Variants in LRRN2 observed in about 807,000 individuals in gnomAD.
The protein encoded by LRRN2 is leucine-rich repeat neuronal protein 2.
A neutral mutation model predicts 35.7 loss-of-function variants in LRRN2; 10 were observed. The ratio of observed to expected loss-of-function variants is 0.28; its 90% CI spans 0.17 to 0.47. The LOEUF (loss-of-function observed/expected upper bound fraction) is 0.47. LRRN2 is among the 20% of genes least tolerant of loss of function. The pLI is 0.99. For missense variants in LRRN2, 731 were observed against 940.3 expected, an observed-to-expected ratio of 0.78 and a Z score of 2.91; for synonymous variants, 391 against 409.6, an observed-to-expected ratio of 0.95 and a Z score of 0.55.
intron 1 of LRRN2, among the ~76,000 whole-genome samples, chr1:204,646,431 G>A (rs1668109383): frequency 6.6e-6 from 1 of 152,138 alleles, no homozygotes; most frequent in African/African-American, 2.4e-5. Flanking sequence ...TAGGCACCTG[G>A]GTTACTACAA....
At position 204,618,323 on chromosome 1, in the gene LRRN2, G is replaced by A. The variant is rs867735818; in HGVS notation, c.1670C>T (p.Thr557Ile). 1 of 1,594,170 alleles carries A rather than the reference G, an allele frequency of 6.3e-7. No individual in the cohort carries two copies. The highest frequency in any genetic ancestry group is 8.6e-7 in the Non-Finnish European group (1 of 1,169,538). Residue 557 changes from threonine to isoleucine, a missense_variant, in exon 2 of 2, where the codon ACC (threonine) becomes ATC (isoleucine). By Grantham distance (89) the Thr-to-Ile change is moderately conservative. Transcript: ENST00000367177. ...TPPNTVSTNL[T>I]WSSASSLRGQ... ...CCGGAGGGAGGAGGCACTGGACCAG[G>A]TGAGGTTGGTGGACACTGTGTTGGG...
chr1:204,629,892 G>A (rs1283295765), intron 1 of LRRN2, among the ~76,000 whole-genome samples: 2 of 152,112 alleles, frequency 1.3e-5, no homozygotes, highest in African/African-American at 4.8e-5. Flanking sequence ...TTTATAAGTG[G>A]GAGTTAAGTA....
At chr1:204,634,870 T>C (rs74933344) in intron 1 of LRRN2, among the ~76,000 whole-genome samples, 4,637 of 152,324 alleles carry the variant, frequency 0.03, 210 homozygotes, top group East Asian at 0.17. Flanking sequence ...ATGCTTTATT[T>C]CTATGAGCCT....
Position 204,618,322 on chromosome 1 carries a change from G to A in LRRN2, c.1671C>T (p.Thr557=), listed in dbSNP as rs1330959091. The part of the protein sequence containing the change: ...TPPNTVSTNL[T]WSSASSLRGQ... The stretch of plus-strand genomic sequence containing the variant: ...CCCGGAGGGAGGAGGCACTGGACCA[G>A]GTGAGGTTGGTGGACACTGTGTTGG... Residue 557 remains threonine (T), a synonymous_variant, in exon 2 of 2, where the codon ACC becomes ACT. Transcript: ENST00000367177. 8 of 1,593,794 alleles carry A rather than the reference G, an allele frequency of 5.0e-6. No individual in the cohort carries two copies. Among genetic ancestry groups the A allele is most frequent in the Non-Finnish European group, 6.8e-6 (8 of 1,169,410 alleles).
intron 1 of LRRN2, among the ~76,000 whole-genome samples, chr1:204,622,684 C>A (rs1167645587): frequency 1.3e-5 from 2 of 152,066 alleles, no homozygotes; most frequent in African/African-American, 4.8e-5. Context: ...AGCTGAGTCT[C>A]CGAGAGGTCC....
chr1:204,675,306 A>G (rs1668801798), intron 1 of LRRN2, among the ~76,000 whole-genome samples: 1 of 152,240 alleles, frequency 6.6e-6, no homozygotes, highest in Non-Finnish European at 1.5e-5. Context: ...GCAAAGGACC[A>G]CAAACTTAGT....
chr1:204,623,599 A>G (rs2102576303), intron 1 of LRRN2, among the ~76,000 whole-genome samples: 1 of 152,298 alleles, frequency 6.6e-6, no homozygotes, highest in South Asian at 2.1e-4. Context: ...ACCTGCCATC[A>G]CCACCTAAGG....
At chr1:204,662,186 G>A (rs1402056920) in intron 1 of LRRN2, among the ~76,000 whole-genome samples, 3 of 152,312 alleles carry the variant, frequency 2.0e-5, no homozygotes, top group East Asian at 3.9e-4. Context: ...TGTAGACAAC[G>A]TGGCACTTCC....
rs2102564634 is a variant in LRRN2 at position 204,618,703 on chromosome 1, G to A, written c.1290C>T (p.Pro430=). ...CTCCACTGGCTACCTGGAGGCTTGG[G>A]GGGAAGCTTCGTGGGGAGATGAGGG... is the stretch of plus-strand genomic sequence containing the variant. ...CLPLISPRSF[P]PSLQVASGES... Residue 430 remains proline (P), a synonymous_variant, in exon 2 of 2, where the codon CCC becomes CCT. Coordinates refer to ENST00000367177, the MANE Select transcript of LRRN2 (RefSeq NM_201630.2). 1.2e-6 allele frequency: 2 copies of A among 1,600,264 alleles called. No homozygotes were observed. The highest frequency in any genetic ancestry group is 1.7e-6 in the Non-Finnish European group (2 of 1,171,832).
At position 204,685,731 on chromosome 1, in the gene LRRN2, C is replaced by T. The variant is rs549912255; in HGVS notation, c.-638G>A. The T allele has an allele frequency of 1.3e-5, 2 of 152,542 alleles. No homozygotes were observed. Among genetic ancestry groups the T allele is most frequent in the East Asian group, 1.9e-4 (1 of 5,168 alleles). The allele number at this position is 152,542 out of a possible 1,614,324, so 9.4% of individuals were successfully genotyped here. On this transcript the variant is annotated 5_prime_UTR_variant, in exon 1 of 2. Coordinates refer to ENST00000367177, the MANE Select transcript of LRRN2 (RefSeq NM_201630.2). ...TCCTCACTCGCTTCTCCGCCGCTCT[C>T]CCAACCTCCCCAGCCCACTCCGGTC...
intron 1 of LRRN2, among the ~76,000 whole-genome samples, chr1:204,659,483 C>T (rs1668426455): frequency 6.6e-6 from 1 of 152,156 alleles, no homozygotes; most frequent in Non-Finnish European, 1.5e-5. Flanking sequence ...GTTTGGCCCA[C>T]TGAAATCTGG....
chr1:204,626,123 G>A (rs1306383604), intron 1 of LRRN2, among the ~76,000 whole-genome samples: 3 of 151,972 alleles, frequency 2.0e-5, no homozygotes, highest in Non-Finnish European at 2.9e-5. Flanking sequence ...CACTCTACTC[G>A]GCAGTCTCAG....
intron 1 of LRRN2, among the ~76,000 whole-genome samples, chr1:204,625,352 T>TA (rs1667263973): frequency 6.6e-6 from 1 of 152,236 alleles, no homozygotes; most frequent in Non-Finnish European, 1.5e-5. Flanking sequence ...CCTTTCATCT[T>TA]ACCATACATT....
intron 1 of LRRN2, among the ~76,000 whole-genome samples, chr1:204,677,720 G>C (rs189176679): frequency 1.3e-5 from 2 of 152,280 alleles, no homozygotes; most frequent in Admixed American, 6.5e-5. Flanking sequence ...GCCGGAGCTG[G>C]AAATGGGACT....
In LRRN2 at chr1:204,677,919, G is replaced by A. The variant is rs116676498; in HGVS notation, c.-227+7401C>T. ...GAGACAGAAGACCCTGCCCTTGCAC[G>A]TTGCCACGTGGGCTGCCTTACTCCC... On this transcript the variant is annotated intron_variant, in intron 1 of 1. Coordinates refer to ENST00000367177, the MANE Select transcript of LRRN2 (RefSeq NM_201630.2). Among the ~76,000 whole-genome samples, 706 of 152,078 alleles carry A rather than the reference G, an allele frequency of 4.6e-3. 4 individuals carry two copies. Among genetic ancestry groups the A allele is most frequent in the African/African-American group, 0.016 (669 of 41,472 alleles).
chr1:204,666,397 A>G (rs1243849713), intron 1 of LRRN2, among the ~76,000 whole-genome samples: 1 of 152,264 alleles, frequency 6.6e-6, no homozygotes, highest in Non-Finnish European at 1.5e-5. Flanking sequence ...AAGAGCATAA[A>G]GTACCCTCAT....
chr1:204,649,607 A>G (rs1668180143), intron 1 of LRRN2, among the ~76,000 whole-genome samples: 1 of 152,192 alleles, frequency 6.6e-6, no homozygotes, highest in African/African-American at 2.4e-5. Flanking sequence ...TAAGCAAGCA[A>G]TAAGAAGAAA....
Position 204,617,766 on chromosome 1 carries a change from C to T in LRRN2, c.*85G>A, listed in dbSNP as rs1666453368. Reference sequence around the variant, plus strand: ...AAGCACGTGGGTCCATGTCCCTTTCCTGGCAGGGCATCTGGCCCAGACTGC... The same window carrying T: ...AAGCACGTGGGTCCATGTCCCTTTCTTGGCAGGGCATCTGGCCCAGACTGC... On this transcript the variant is annotated 3_prime_UTR_variant, in exon 2 of 2. Transcript: ENST00000367177. The T allele has an allele frequency of 6.8e-7, 1 of 1,478,118 alleles. No individual in the cohort carries two copies. The highest frequency in any genetic ancestry group is 9.4e-7 in the Non-Finnish European group (1 of 1,066,526). 91.6% of individuals were successfully genotyped at this position (1,478,118 alleles called of 1,614,324 possible).
chr1:204,652,815 G>A (rs995648744), intron 1 of LRRN2, among the ~76,000 whole-genome samples: 2 of 152,238 alleles, frequency 1.3e-5, no homozygotes, highest in African/African-American at 4.8e-5. Flanking sequence ...AATGCAGGCA[G>A]CTGGGTCTGC....
Sources: gnomAD v4.1 joint callset for allele counts (sites outside exome capture counted in the v4.1 genomes callset) on GRCh38, gnomAD v4.1.1 for gene constraint, MANE v1.5 for transcripts, NCBI Gene and HGNC (gene_info 2026-07-23, HGNC 2026-07-21) for gene names.